Variants in ZNF519 observed in about 807,000 individuals in gnomAD.
The protein encoded by ZNF519 is similar to Zinc finger protein 85 (Zinc finger protein HPF4) (HTF1).
Under a neutral mutation model 7.4 loss-of-function variants are expected in ZNF519, and 7 were observed. The observed-to-expected ratio is 0.94, with a 90% CI of 0.54 to 1.77. The LOEUF (loss-of-function observed/expected upper bound fraction) is 1.77. Among genes scored for constraint, ZNF519 ranks in the 40% most tolerant of loss-of-function variants. The pLI, the probability that ZNF519 is intolerant of heterozygous loss-of-function variation, is 0.00. For synonymous variants in ZNF519, 179 were observed against 203.3 expected, an observed-to-expected ratio of 0.88 and a Z score of 1.02; for missense variants, 586 against 623.1, an observed-to-expected ratio of 0.94 and a Z score of 0.63.
At chr18:14,088,747 T>C (rs1284194326) in intron 2 of ZNF519, among the ~76,000 whole-genome samples, 1 of 152,206 alleles carries the variant, frequency 6.6e-6, no homozygotes, top group African/African-American at 2.4e-5. Flanking sequence ...ATCACCATAA[T>C]TACTTTAATT....
chr18:14,078,701 T>C (rs937826739), intron 3 of ZNF519, among the ~76,000 whole-genome samples: 6 of 152,072 alleles, frequency 3.9e-5, no homozygotes, highest in Non-Finnish European at 7.3e-5. Context: ...CATTAAACAT[T>C]ATATTATTAT....
intron 1 of ZNF519, among the ~76,000 whole-genome samples, chr18:14,127,483 G>A (rs1352171189): frequency 3.1e-4 from 47 of 152,264 alleles, no homozygotes; most frequent in African/African-American, 1.1e-3. Context: ...TCCTCTCATG[G>A]AGGCTCCTTC....
chr18:14,095,999 G>T (rs1057140890), downstream of ZNF519, among the ~76,000 whole-genome samples: 1 of 152,238 alleles, frequency 6.6e-6, no homozygotes, highest in Non-Finnish European at 1.5e-5. Flanking sequence ...TAGCAGTGGT[G>T]TGAGCTGGAA....
intron 2 of ZNF519, among the ~76,000 whole-genome samples, chr18:14,087,419 T>C (rs1325802560): frequency 6.6e-6 from 1 of 152,224 alleles, no homozygotes; most frequent in Non-Finnish European, 1.5e-5. Flanking sequence ...TTAGAAAATA[T>C]ATTTTGGTGA....
chr18:14,129,994 T>G (rs1182870645), intron 1 of ZNF519, among the ~76,000 whole-genome samples: 1 of 152,164 alleles, frequency 6.6e-6, no homozygotes, highest in Non-Finnish European at 1.5e-5. Context: ...TAGGTAATTC[T>G]GCTAAATAGC....
intron 3 of ZNF519, among the ~76,000 whole-genome samples, chr18:14,084,721 T>C (rs2046083082): frequency 6.6e-6 from 1 of 152,100 alleles, no homozygotes. Context: ...TCCTCCTCAT[T>C]GCACAGTCAG....
At chr18:14,106,549 T>G (rs1165983281) in intron 2 of ZNF519, 140 bp from the exon 3 acceptor site, 17 of 604,452 alleles carry the variant, frequency 2.8e-5, no homozygotes, top group Non-Finnish European at 4.4e-5. Context: ...CAGAGCAAGA[T>G]GGCTAAATAG....
chr18:14,092,820 T>G (rs1031636494), intron 2 of ZNF519, among the ~76,000 whole-genome samples: 1 of 152,144 alleles, frequency 6.6e-6, no homozygotes, highest in Non-Finnish European at 1.5e-5. Flanking sequence ...CCTATAAAAT[T>G]TACAGACTCA....
intron 2 of ZNF519, among the ~76,000 whole-genome samples, chr18:14,092,303 G>A (rs890087569): frequency 1.3e-5 from 2 of 152,168 alleles, no homozygotes; most frequent in East Asian, 1.9e-4. Flanking sequence ...ATTGGAACAC[G>A]AAGAGATGGC....
intron 1 of ZNF519, among the ~76,000 whole-genome samples, chr18:14,127,963 A>AC (rs2143173498): frequency 6.6e-6 from 1 of 151,796 alleles, no homozygotes; most frequent in East Asian, 1.9e-4. Flanking sequence ...TGTGGAAAAC[A>AC]TAACTGAAAG....
Position 14,108,856 on chromosome 18 carries a change from C to T in ZNF519, c.131-2447G>A, listed in dbSNP as rs577291663. Among the ~76,000 whole-genome samples the T allele has an allele frequency of 3.9e-5, 6 of 152,024 alleles. No homozygotes were observed. The South Asian group carries it at 1.2e-3, about 32-fold the overall frequency. On this transcript the variant is annotated intron_variant, in intron 2 of 2. Coordinates refer to ENST00000590202, the MANE Select transcript of ZNF519 (RefSeq NM_145287.4). ...TTGTAATCTCAGCACTTTGGGAGGC[C>T]GAGGTGGGTGGATCACCTGAGGTTG... is the stretch of plus-strand genomic sequence containing the variant.
chr18:14,077,279 G>A (rs2046051187), exon 5 of ZNF519: 1 of 152,242 alleles, frequency 6.6e-6, no homozygotes, highest in Admixed American at 6.5e-5. Flanking sequence ...CTTTAGCACT[G>A]GCTCAGTTTC....
In ZNF519 at chr18:14,076,709, T is replaced by C. The variant is rs1451942083; in HGVS notation, c.*1094A>G. 4 of 152,298 alleles carry C rather than the reference T, an allele frequency of 2.6e-5. No homozygotes were observed. In the East Asian group the frequency reaches 7.7e-4, roughly 29 times the overall value. The allele number at this position is 152,298 out of a possible 1,614,324, so 9.4% of individuals were successfully genotyped here. On this transcript the variant is annotated 3_prime_UTR_variant and NMD_transcript_variant, in exon 5 of 5. Transcript: ENST00000587419. ...TAAGCACTGAACCTGGTAATGGCCT[T>C]AGAAGATTTTAAAAACAGAGCAAAT...
intron 2 of ZNF519, among the ~76,000 whole-genome samples, chr18:14,117,163 T>C (rs2046249990): frequency 1.3e-5 from 2 of 151,906 alleles, no homozygotes; most frequent in South Asian, 4.2e-4. Flanking sequence ...TTTAGTGAAG[T>C]AAGCAGAAGA....
chr18:14,086,753 T>C (rs2046092135), intron 2 of ZNF519, among the ~76,000 whole-genome samples: 1 of 152,192 alleles, frequency 6.6e-6, no homozygotes, highest in African/African-American at 2.4e-5. Flanking sequence ...ACTTTGGATA[T>C]GTGGCAAATC....
intron 2 of ZNF519, among the ~76,000 whole-genome samples, chr18:14,086,400 C>T (rs953601694): frequency 3.9e-5 from 6 of 152,236 alleles, no homozygotes; most frequent in Admixed American, 1.3e-4. Context: ...GATCCCCCTG[C>T]GCTGCGCTGG....
chr18:14,128,497 T>C (rs945108508), intron 1 of ZNF519, among the ~76,000 whole-genome samples: 2 of 152,158 alleles, frequency 1.3e-5, no homozygotes, highest in Non-Finnish European at 2.9e-5. Context: ...GGTTTTCTAA[T>C]TGGTAATATT....
At position 14,105,924 on chromosome 18, in the gene ZNF519, T is replaced by C. The variant is rs2159940; in HGVS notation, c.616A>G (p.Lys206Glu). The C allele has an allele frequency of 1, 1,604,990 of 1,610,082 alleles. 800,072 individuals carry two copies. The highest frequency in any genetic ancestry group is 1 in the East Asian group (44,808 of 44,808). The part of the protein sequence containing the change: ...LIFPENIHIQ[K>E]KPYNSNECGE... ...CATTCATTAGAGTTGTAAGGCTTTT[T>C]TTGAATATGGATATTTTCAGGGAAA... Residue 206 changes from lysine (K) to glutamate (E), a missense_variant, in exon 3 of 3, where the codon AAA (lysine) becomes GAA (glutamate). Physicochemically the swap from Lys to Glu is moderately conservative, Grantham distance 56 (BLOSUM62 1). Transcript: ENST00000590202.
At chr18:14,112,333 A>G (rs1269342587) in intron 2 of ZNF519, among the ~76,000 whole-genome samples, 1 of 152,190 alleles carries the variant, frequency 6.6e-6, no homozygotes, top group African/African-American at 2.4e-5. Flanking sequence ...ATAAAAAGCT[A>G]TATATGACAC....
Sources: allele counts gnomAD v4.1 joint callset (sites outside exome capture counted in the v4.1 genomes callset), GRCh38; gene constraint gnomAD v4.1.1; transcripts MANE v1.5; gene names NCBI Gene and HGNC (gene_info 2026-07-23, HGNC 2026-07-21).